PCDH15: variants seen among roughly 807,000 people sequenced by gnomAD.
The protein encoded by PCDH15 is protocadherin-15.
PCDH15 carries 129 observed loss-of-function variants against 178.5 expected under a neutral mutation model. The ratio of observed to expected loss-of-function variants is 0.72; its 90% CI spans 0.63 to 0.84. PCDH15 has a LOEUF of 0.84. Among genes scored for constraint, PCDH15 ranks in the 40% least tolerant of loss-of-function variants. The pLI, the probability that PCDH15 is intolerant of heterozygous loss-of-function variation, is 0.00. For missense variants in PCDH15, 2,230 were observed against 2,099.9 expected (o/e 1.06, Z -1.21); for synonymous variants, 800 against 732.0 (o/e 1.09, Z -1.50).
chr10:54,167,627 C>T (rs1237311060), intron 13 of PCDH15, among the ~76,000 whole-genome samples: 1 of 151,792 alleles, frequency 6.6e-6, no homozygotes, highest in Non-Finnish European at 1.5e-5. Context: ...TTGTCTCTAA[C>T]CCTTCTCTGC....
In PCDH15 at chr10:54,757,274, A is replaced by G. The variant is rs1229222231; in HGVS notation, c.-29+43651T>C. Among the ~76,000 whole-genome samples the G allele has an allele frequency of 5.6e-5, 3 of 53,940 alleles. 1 individual carries two copies. Among genetic ancestry groups the G allele is most frequent in the South Asian group, 5.0e-4 (1 of 1,986 alleles). 35.4% of individuals were successfully genotyped at this position (53,940 alleles called of 152,430 possible). A position where few individuals can be genotyped will look rare whatever the true frequency, so the allele number is the denominator to read the frequency against. On this transcript the variant is annotated intron_variant, in intron 1 of 37. Transcript: ENST00000644397. The stretch of plus-strand genomic sequence containing the variant: ...CTGTTTTTGGCTTGCTCAGAATTCT[A>G]CCTTTTTTTTTTTTTTTTTTTTTTT...
In PCDH15 at chr10:54,067,608, C is replaced by G. The variant is rs371779724; in HGVS notation, c.2092-723G>C. The stretch of plus-strand genomic sequence containing the variant: ...TGATTCAAGCTGGAAACTGCTCTCT[C>G]TAATCAAAGCCTGAGTACAGCACAG... On this transcript the variant is annotated intron_variant, in intron 17 of 37. Transcript: ENST00000644397. Among the ~76,000 whole-genome samples the G allele has an allele frequency of 2.6e-5, 4 of 152,174 alleles. No individual in the cohort carries two copies. In the East Asian group the frequency reaches 7.7e-4, roughly 29 times the overall value.
chr10:54,288,191 G>T (rs1286513837), intron 8 of PCDH15, among the ~76,000 whole-genome samples: 1 of 151,986 alleles, frequency 6.6e-6, no homozygotes, highest in Non-Finnish European at 1.5e-5. Context: ...GCATGGTGGA[G>T]TGTCTGTAGT....
At chr10:54,059,984 A>G (rs1290531314) in intron 18 of PCDH15, among the ~76,000 whole-genome samples, 1 of 152,194 alleles carries the variant, frequency 6.6e-6, no homozygotes, top group African/African-American at 2.4e-5. Context: ...CACATATCCC[A>G]CTAGCTGGAC....
rs145647706 is a variant in PCDH15, at chr10:55,081,001, C to T, written c.-80+85575G>A. Among the ~76,000 whole-genome samples the T allele has an allele frequency of 8.2e-3, 1,250 of 152,204 alleles. 16 individuals are homozygous for T. Among genetic ancestry groups the T allele is most frequent in the African/African-American group, 0.027 (1,130 of 41,546 alleles). On this transcript the variant is annotated intron_variant, in intron 2 of 5. Transcript: ENST00000458638. ...GTGCTGCTGCTGCTGGGGGTGGGGT[C>T]ACTTTTCATAGCCCCAGACAAGGAG...
chr10:54,178,181 G>A (rs2047627276), intron 13 of PCDH15, among the ~76,000 whole-genome samples: 1 of 152,022 alleles, frequency 6.6e-6, no homozygotes, highest in Admixed American at 6.6e-5. Flanking sequence ...AAAGATTAAG[G>A]ACTTTTGACT....
At chr10:54,344,813 A>G (rs1942922728) in intron 6 of PCDH15, among the ~76,000 whole-genome samples, 2 of 146,956 alleles carry the variant, frequency 1.4e-5, no homozygotes, top group Non-Finnish European at 3.0e-5. Context: ...AACCCTTCAT[A>G]CTGTCCTTCT....
chr10:55,236,748 T>C (rs938475964), intron 1 of PCDH15, among the ~76,000 whole-genome samples: 1 of 152,006 alleles, frequency 6.6e-6, no homozygotes, highest in Non-Finnish European at 1.5e-5. Flanking sequence ...ATGGAAAATA[T>C]TAGCTATAAG....
At chr10:54,698,990 G>T (rs1006590872) in intron 1 of PCDH15, among the ~76,000 whole-genome samples, 1 of 152,116 alleles carries the variant, frequency 6.6e-6, no homozygotes, top group African/African-American at 2.4e-5. Flanking sequence ...AAAAGGGAAA[G>T]TCAATATTAA....
chr10:54,765,175 C>T (rs1171809646), intron 1 of PCDH15, among the ~76,000 whole-genome samples: 1 of 152,036 alleles, frequency 6.6e-6, no homozygotes. Flanking sequence ...TCACATAGGC[C>T]ACGTGCATAA....
chr10:54,212,374 T>A (rs764755549), intron 10 of PCDH15, among the ~76,000 whole-genome samples: 4 of 152,272 alleles, frequency 2.6e-5, no homozygotes, highest in Non-Finnish European at 5.9e-5. Context: ...GAAACTGTAG[T>A]CATCCTTCAG....
intron 2 of PCDH15, among the ~76,000 whole-genome samples, chr10:55,492,087 T>C (rs940344708): frequency 2.6e-5 from 4 of 151,722 alleles, no homozygotes; most frequent in African/African-American, 9.7e-5. Flanking sequence ...ACCAGGAATA[T>C]AGGCTTAAAA....
At chr10:54,236,689 G>A in intron 9 of PCDH15, 134 bp downstream of exon 9, 1 of 774,000 alleles carries the variant, frequency 1.3e-6, no homozygotes, top group Non-Finnish European at 2.2e-6. Context: ...TTTTTAAAAT[G>A]TGTTTATACA....
intron 3 of PCDH15, among the ~76,000 whole-genome samples, chr10:54,391,243 C>T (rs567401851): frequency 1.3e-5 from 2 of 152,334 alleles, no homozygotes; most frequent in African/African-American, 2.4e-5. Flanking sequence ...CATGCCACCA[C>T]AGGTGTCATT....
At chr10:54,914,549 C>G (rs996026825) in intron 2 of PCDH15, among the ~76,000 whole-genome samples, 1 of 152,126 alleles carries the variant, frequency 6.6e-6, no homozygotes, top group African/African-American at 2.4e-5. Context: ...CATGGAAACT[C>G]AAAACATATG....
intron 2 of PCDH15, among the ~76,000 whole-genome samples, chr10:55,493,131 C>T (rs1023642410): frequency 1.3e-5 from 2 of 151,110 alleles, no homozygotes; most frequent in African/African-American, 2.4e-5. Flanking sequence ...GAAAAATATT[C>T]GAAGAAATAA....
chr10:54,763,669 T>C (rs1948158043), intron 1 of PCDH15, among the ~76,000 whole-genome samples: 1 of 151,382 alleles, frequency 6.6e-6, no homozygotes. Context: ...AACCTAAATA[T>C]GGTGAATTGA....
intron 2 of PCDH15, among the ~76,000 whole-genome samples, chr10:55,390,266 T>A (rs1419071197): frequency 6.6e-6 from 1 of 152,182 alleles, no homozygotes. Flanking sequence ...GTGTGAATGA[T>A]CATCTGAGTC....
At chr10:54,102,557 C>T (rs772638456) in intron 15 of PCDH15, among the ~76,000 whole-genome samples, 10 of 152,172 alleles carry the variant, frequency 6.6e-5, no homozygotes, top group Non-Finnish European at 1.3e-4. Context: ...GTGATTACCA[C>T]CCCTGTAGCT....
Sources: gnomAD v4.1 joint callset for allele counts (sites outside exome capture counted in the v4.1 genomes callset) on GRCh38, gnomAD v4.1.1 for gene constraint, MANE v1.5 for transcripts, NCBI Gene and HGNC (gene_info 2026-07-23, HGNC 2026-07-21) for gene names.